Variants in TAF4 observed in about 807,000 individuals in gnomAD.
TAF4 encodes the protein TATA-box binding protein associated factor 4, also known as transcription initiation factor TFIID subunit 4.
A neutral mutation model predicts 90.3 loss-of-function variants in TAF4; 9 were observed. That is an observed-to-expected ratio of 0.10 (90% CI 0.06 to 0.17). The LOEUF (loss-of-function observed/expected upper bound fraction) is 0.17, where lower values mean the gene tolerates loss of function less well. Ranked by LOEUF, TAF4 falls within the 10% of genes least tolerant of loss-of-function variation. TAF4 has a pLI of 1.00. For synonymous variants in TAF4, 818 were observed against 638.9 expected (o/e 1.28, Z -4.23); for missense variants, 1,351 against 1,370.7 (o/e 0.99, Z 0.23).
Position 62,064,508 on chromosome 20 carries a change from G to A in TAF4, c.1303C>T (p.Arg435Cys), listed in dbSNP as rs1255499596. 7 of 1,517,306 alleles carry A rather than the reference G, an allele frequency of 4.6e-6. No homozygotes were observed. The highest frequency in any genetic ancestry group is 6.2e-6 in the Non-Finnish European group (7 of 1,134,792). The allele number at this position is 1,517,306 out of a possible 1,614,324, so 94.0% of individuals were successfully genotyped here. ...ATLTPTVLAP[R>C]LPQPPQNPTN... is the part of the protein sequence containing the mutation. ...GGGTTCTGAGGCGGCTGCGGCAAGC[G>A]GGGGGCCAGCACGGTGGGCGTCAGG... Residue 435 changes from arginine to cysteine, a missense_variant, in exon 1 of 15, where the codon CGC becomes TGC. Around this residue, in one of 9 missense-constraint regions of TAF4, gnomAD observed 782 missense variants for 536.6 expected, o/e 1.46. Coordinates refer to ENST00000252996, the MANE Select transcript of TAF4 (RefSeq NM_003185.4).
At position 62,006,460 on chromosome 20, in the gene TAF4, G is replaced by C. The variant is rs1342146285; in HGVS notation, c.2223+50C>G. 3.6e-6 allele frequency: 5 copies of C among 1,370,520 alleles called. No homozygotes were observed. The highest frequency in any genetic ancestry group is 2.8e-6 in the Non-Finnish European group (3 of 1,058,556). The allele number at this position is 1,370,520 out of a possible 1,614,324, so 84.9% of individuals were successfully genotyped here. A position where few individuals can be genotyped will look rare whatever the true frequency, so the allele number is the denominator to read the frequency against. On this transcript the variant is annotated intron_variant, in intron 7 of 14. Coordinates refer to ENST00000252996, the MANE Select transcript of TAF4 (RefSeq NM_003185.4). The surrounding 1 kb of genome is among the most constrained non-coding windows in gnomAD (Gnocchi z 7.0). ...GCCAATTTATCTAAGAAGCGGGCGG[G>C]AGCAGAGGCACGGTGGGCTGTGCAG... is the stretch of plus-strand genomic sequence containing the variant.
At chr20:61,978,539 G>A (rs1231014122) in intron 14 of TAF4, among the ~76,000 whole-genome samples, 6 of 151,460 alleles carry the variant, frequency 4.0e-5, no homozygotes, top group Admixed American at 3.9e-4. Flanking sequence ...CCAAGGCCGG[G>A]GGCGAGACCA....
chr20:61,982,451 A>C (rs1463734009), intron 14 of TAF4, among the ~76,000 whole-genome samples: 3 of 148,014 alleles, frequency 2.0e-5, no homozygotes, highest in Admixed American at 1.3e-4. Flanking sequence ...ACCCAAGAGG[A>C]AACACCAAAC....
chr20:62,010,113 G>A lies in TAF4; in HGVS notation c.1694C>T (p.Thr565Met), dbSNP rs758556573. Reference protein sequence around the residue: ...AAQTASLGTATAVQTGTPQRT... With the variant: ...AAQTASLGTAMAVQTGTPQRT... Reference sequence around the variant, plus strand: ...CTGAGGAGTCCCCGTCTGAACAGCCGTCGCCGTCCCAAGTGAAGCCGTCTG... The same window carrying A: ...CTGAGGAGTCCCCGTCTGAACAGCCATCGCCGTCCCAAGTGAAGCCGTCTG... Residue 565 changes from threonine to methionine, a missense_variant, in exon 4 of 15, where the codon ACG (threonine) becomes ATG (methionine). This residue lies in a region of TAF4 where 143 missense variants were observed against 176.3 expected (regional missense o/e 0.81). Coordinates refer to ENST00000252996, the MANE Select transcript of TAF4 (RefSeq NM_003185.4). This position sits in a 1 kb window ranked among gnomAD's most constrained non-coding sequence, Gnocchi z 4.5. 36 of 1,613,780 alleles carry A rather than the reference G, an allele frequency of 2.2e-5. No individual in the cohort carries two copies. Among genetic ancestry groups the A allele is most frequent in the African/African-American group, 6.7e-5 (5 of 74,896 alleles).
chr20:62,028,612 G>A (rs1002936064), intron 1 of TAF4, among the ~76,000 whole-genome samples: 2 of 152,138 alleles, frequency 1.3e-5, no homozygotes, highest in South Asian at 4.1e-4. Flanking sequence ...ACACACCTCC[G>A]TGAACAGGTA....
At chr20:61,976,421 C>T (rs902568936) in intron 14 of TAF4, 86 bp from the exon 15 acceptor site, 19 of 1,514,518 alleles carry the variant, frequency 1.3e-5, no homozygotes, top group Admixed American at 6.9e-5. Flanking sequence ...CCAAGTACCC[C>T]GATTCCAGAG....
intron 7 of TAF4, chr20:62,005,671 C>T (rs1258714200): frequency 1.3e-5 from 2 of 152,292 alleles, no homozygotes; most frequent in African/African-American, 4.8e-5. Context: ...CACCCTCCCT[C>T]CATGCCATTT....
intron 1 of TAF4, among the ~76,000 whole-genome samples, chr20:62,050,201 A>T (rs1568942213): frequency 6.6e-6 from 1 of 152,316 alleles, no homozygotes; most frequent in East Asian, 1.9e-4. Flanking sequence ...AGCAGCGACC[A>T]GGGCACAGCA....
intron 1 of TAF4, among the ~76,000 whole-genome samples, chr20:62,045,747 G>A (rs930624162): frequency 2.0e-5 from 3 of 152,182 alleles, no homozygotes; most frequent in African/African-American, 7.2e-5. Context: ...ACAGATCTGT[G>A]GCGAAAGAGC....
chr20:62,040,995 T>A (rs181483117), intron 1 of TAF4, among the ~76,000 whole-genome samples: 2 of 152,184 alleles, frequency 1.3e-5, no homozygotes, highest in African/African-American at 4.8e-5. Flanking sequence ...CCATTCCCCA[T>A]AAAAATAACA....
chr20:62,010,023 G>A lies in TAF4; in HGVS notation c.1761+23C>T. 1 of 1,612,050 alleles carries A rather than the reference G, an allele frequency of 6.2e-7. No individual in the cohort carries two copies. The highest frequency in any genetic ancestry group is 1.1e-5 in the South Asian group (1 of 91,072). On this transcript the variant is annotated intron_variant, in intron 4 of 14. Transcript: ENST00000252996. The surrounding 1 kb of genome is among the most constrained non-coding windows in gnomAD (Gnocchi z 4.5). ...GCCACGGGCCTGACCGTCTTTGAAGGCACGGAAAGGAGTGGCTCTTACCGT... is the reference window on the plus strand; with the variant it reads ...GCCACGGGCCTGACCGTCTTTGAAGACACGGAAAGGAGTGGCTCTTACCGT...
chr20:61,998,380 T>C (rs578237682), intron 12 of TAF4, among the ~76,000 whole-genome samples, 188 bp from the exon 13 acceptor site: 2 of 152,364 alleles, frequency 1.3e-5, no homozygotes, highest in African/African-American at 2.4e-5. Context: ...GCCAGTAATC[T>C]TGAGAAAAGT....
chr20:62,041,502 G>A (rs891303914), intron 1 of TAF4, among the ~76,000 whole-genome samples: 4 of 152,030 alleles, frequency 2.6e-5, no homozygotes, highest in African/African-American at 7.2e-5. Context: ...GGTAGCATAC[G>A]CCTGCAGTCC....
intron 5 of TAF4, 140 bp downstream of exon 5, chr20:62,008,912 C>G (rs2055762903): frequency 8.5e-7 from 1 of 1,180,492 alleles, no homozygotes; most frequent in South Asian, 1.8e-5. Context: ...ACGTGTGCAC[C>G]CCTCCCCTTC....
chr20:61,996,604 T>C (rs1018917584), intron 14 of TAF4, among the ~76,000 whole-genome samples: 3 of 151,432 alleles, frequency 2.0e-5, no homozygotes, highest in Non-Finnish European at 4.4e-5. Context: ...ATCGAGACCA[T>C]CCTGGCCAAC....
rs2055772023 is a variant in TAF4 at position 62,010,414 on chromosome 20, GA to G, written c.1642-250del. Among the ~76,000 whole-genome samples, 1 of 152,140 alleles carries G rather than the reference GA, an allele frequency of 6.6e-6. No homozygotes were observed. The highest frequency in any genetic ancestry group is 6.5e-5 in the Admixed American group (1 of 15,276). On this transcript the variant is annotated intron_variant, in intron 3 of 14. Coordinates refer to ENST00000252996, the MANE Select transcript of TAF4 (RefSeq NM_003185.4). This position sits in a 1 kb window ranked among gnomAD's most constrained non-coding sequence, Gnocchi z 4.5. ...ATGATTTGCACCTGCATCAAAAACG[GA>G]CGTTCACAAAGCCAGGCACTGCAGA... is the stretch of plus-strand genomic sequence containing the variant.
chr20:62,014,256 C>T (rs2055800114), intron 2 of TAF4, among the ~76,000 whole-genome samples: 1 of 152,030 alleles, frequency 6.6e-6, no homozygotes, highest in African/African-American at 2.4e-5. Flanking sequence ...GGGAAGGGGC[C>T]AGAGCGGCCA....
intron 14 of TAF4, among the ~76,000 whole-genome samples, chr20:61,994,798 G>T (rs1049216817): frequency 1.3e-5 from 2 of 152,210 alleles, no homozygotes; most frequent in African/African-American, 2.4e-5. Flanking sequence ...TCAGACAGCA[G>T]CTGCCACGGG....
In TAF4 at chr20:62,006,608, T is replaced by C; in HGVS notation, c.2125A>G (p.Thr709Ala). The change falls in exon 7 of 15, where the codon ACG becomes GCG. Residue 709 changes from threonine to alanine, a missense_variant. Transcript: ENST00000252996. The surrounding 1 kb of genome is among the most constrained non-coding windows in gnomAD (Gnocchi z 7.0). ...SSSVQRTAGKTAATVTSALQP... is the reference protein window; with the variant it reads ...SSSVQRTAGKAAATVTSALQP... ...AGGGCACTGGTCACGGTGGCCGCCG[T>C]CTTCCCGGCCGTGCGCTGGACCGAG... The C allele has an allele frequency of 1.9e-6, 3 of 1,601,848 alleles. No individual in the cohort carries two copies. Among genetic ancestry groups the C allele is most frequent in the South Asian group, 2.2e-5 (2 of 89,950 alleles).
Sources: gnomAD v4.1 joint callset for allele counts (sites outside exome capture counted in the v4.1 genomes callset) on GRCh38, gnomAD v4.1.1 for gene constraint, gnomAD v4.1.1 regional missense constraint, Gnocchi (gnomAD v3.1) non-coding constraint, MANE v1.5 for transcripts, NCBI Gene and HGNC (gene_info 2026-07-23, HGNC 2026-07-21) for gene names.